The following PXDNL variants were observed in gnomAD, a reference collection of about 807,000 sequenced individuals.
PXDNL encodes the protein peroxidasin like, also known as probable oxidoreductase PXDNL.
In PXDNL, 145 loss-of-function variants were observed where a neutral mutation model predicts 150.8. The observed-to-expected ratio is 0.96, with a 90% CI of 0.84 to 1.10. The LOEUF is 1.10. Ranked by LOEUF, PXDNL falls within the 50% of genes least tolerant of loss-of-function variation. PXDNL has a pLI of 0.00. For missense variants in PXDNL, 2,087 were observed against 1,873.9 expected (o/e 1.11, Z -2.10); for synonymous variants, 757 against 725.7 (o/e 1.04, Z -0.69).
intron 4 of PXDNL, among the ~76,000 whole-genome samples, chr8:51,509,739 T>TACAC (rs1400909717): frequency 1.2e-4 from 13 of 106,212 alleles, no homozygotes; most frequent in Admixed American, 1.1e-3. Context: ...TATATACATA[T>TACAC]ATACACACAC....
intron 17 of PXDNL, among the ~76,000 whole-genome samples, chr8:51,394,044 T>C (rs1294033887): frequency 2.0e-5 from 3 of 152,250 alleles, no homozygotes; most frequent in Admixed American, 1.3e-4. Context: ...CATTCTCCAG[T>C]TGACAACTCC....
intron 4 of PXDNL, among the ~76,000 whole-genome samples, chr8:51,546,283 C>T (rs1812360361): frequency 6.6e-6 from 1 of 152,302 alleles, no homozygotes; most frequent in African/African-American, 2.4e-5. Context: ...TTACCTATAC[C>T]TGAAATGGAT....
chr8:51,712,417 T>C (rs1381599212), intron 1 of PXDNL, among the ~76,000 whole-genome samples: 2 of 152,246 alleles, frequency 1.3e-5, no homozygotes, highest in Non-Finnish European at 2.9e-5. Flanking sequence ...TGAAATACTA[T>C]AGCATATGTT....
intron 8 of PXDNL, among the ~76,000 whole-genome samples, chr8:51,469,617 AG>A (rs1810279993): frequency 6.6e-6 from 1 of 152,046 alleles, no homozygotes; most frequent in Non-Finnish European, 1.5e-5. Context: ...GGTCCTCTCC[AG>A]GGGAGTAGAA....
chr8:51,655,182 A>G (rs1297589090), intron 1 of PXDNL, among the ~76,000 whole-genome samples: 2 of 152,218 alleles, frequency 1.3e-5, no homozygotes, highest in African/African-American at 4.8e-5. Flanking sequence ...TTTAGCAAAA[A>G]TTATTAATTA....
chr8:51,752,453 C>G (rs2037054585), intron 1 of PXDNL, among the ~76,000 whole-genome samples: 1 of 152,308 alleles, frequency 6.6e-6, no homozygotes, highest in African/African-American at 2.4e-5. Context: ...TGTATAAGGG[C>G]ACTGGCTCTC....
At chr8:51,577,864 A>G (rs1813092137) in intron 3 of PXDNL, among the ~76,000 whole-genome samples, 2 of 149,062 alleles carry the variant, frequency 1.3e-5, no homozygotes, top group South Asian at 4.2e-4. Context: ...GATCTAGGCA[A>G]TGAAAACAGA....
Position 51,569,888 on chromosome 8 carries a change from CAA to C in PXDNL, c.309-12979_309-12978del, listed in dbSNP as rs577776427. On this transcript the variant is annotated intron_variant, in intron 3 of 22. Coordinates refer to ENST00000356297, the MANE Select transcript of PXDNL (RefSeq NM_144651.5). The stretch of plus-strand genomic sequence containing the variant: ...AGTGCCTTGCTTGAGACAGTTTTTC[CAA>C]AAAAGAGTTAAAATTTTTTCTCAGT... Among the ~76,000 whole-genome samples, 352 of 151,756 alleles carry C rather than the reference CAA, an allele frequency of 2.3e-3. 1 individual carries two copies. The highest frequency in any genetic ancestry group is 8.0e-3 in the African/African-American group (333 of 41,396).
intron 2 of PXDNL, among the ~76,000 whole-genome samples, chr8:51,639,283 T>C (rs1814685405): frequency 6.6e-6 from 1 of 151,930 alleles, no homozygotes; most frequent in Non-Finnish European, 1.5e-5. Flanking sequence ...AACATCACAA[T>C]TAAAAGAACT....
At chr8:51,534,861 G>A (rs868594520) in intron 4 of PXDNL, among the ~76,000 whole-genome samples, 145 of 70,004 alleles carry the variant, frequency 2.1e-3, no homozygotes, top group African/African-American at 4.1e-3. Flanking sequence ...TCAGCCCCCC[G>A]CCTGGCCAGC....
At chr8:51,616,744 T>C (rs1585623928) in intron 2 of PXDNL, among the ~76,000 whole-genome samples, 1 of 152,354 alleles carries the variant, frequency 6.6e-6, no homozygotes, top group East Asian at 1.9e-4. Flanking sequence ...GCACATGGTG[T>C]GAAATTCAAC....
chr8:51,576,100 T>C (rs1262666955), intron 3 of PXDNL, among the ~76,000 whole-genome samples: 1 of 151,100 alleles, frequency 6.6e-6, no homozygotes, highest in East Asian at 2.0e-4. Flanking sequence ...TTCTCAACAA[T>C]TGATGGAAGA....
At chr8:51,681,094 T>G (rs1815740542) in intron 1 of PXDNL, among the ~76,000 whole-genome samples, 1 of 152,114 alleles carries the variant, frequency 6.6e-6, no homozygotes, top group Admixed American at 6.6e-5. Flanking sequence ...AATACAGGAC[T>G]GGTGCACCTT....
intron 17 of PXDNL, among the ~76,000 whole-genome samples, chr8:51,397,892 C>T (rs1808134642): frequency 6.6e-6 from 1 of 152,092 alleles, no homozygotes; most frequent in Non-Finnish European, 1.5e-5. Context: ...TCTCCTAATG[C>T]TATCCCTCCC....
intron 17 of PXDNL, among the ~76,000 whole-genome samples, chr8:51,404,869 A>G (rs1808391132): frequency 6.6e-6 from 1 of 152,202 alleles, no homozygotes; most frequent in Admixed American, 6.5e-5. Flanking sequence ...GCCCCAGAGC[A>G]GGGGACGGTG....
chr8:51,615,849 T>C (rs1814118587), intron 2 of PXDNL, among the ~76,000 whole-genome samples: 1 of 152,242 alleles, frequency 6.6e-6, no homozygotes, highest in Non-Finnish European at 1.5e-5. Context: ...CTCCTCAGTG[T>C]TGTAGCCCAT....
intron 2 of PXDNL, among the ~76,000 whole-genome samples, chr8:51,639,701 G>A (rs954964743): frequency 6.6e-6 from 1 of 152,010 alleles, no homozygotes. Flanking sequence ...TGAAATTGTG[G>A]CAATAATCAA....
chr8:51,532,677 T>G (rs1486358112), intron 4 of PXDNL, among the ~76,000 whole-genome samples: 1 of 152,220 alleles, frequency 6.6e-6, no homozygotes, highest in African/African-American at 2.4e-5. Context: ...AGCTTGCTAA[T>G]TCAAAGTGTG....
chr8:51,688,288 C>T (rs1198540863), intron 1 of PXDNL, among the ~76,000 whole-genome samples: 1 of 151,856 alleles, frequency 6.6e-6, no homozygotes, highest in South Asian at 2.1e-4. Flanking sequence ...GGCAAAGAGA[C>T]TGTGACCTTA....
Sources: gnomAD v4.1 joint callset for allele counts (sites outside exome capture counted in the v4.1 genomes callset) on GRCh38, gnomAD v4.1.1 for gene constraint, MANE v1.5 for transcripts, NCBI Gene and HGNC (gene_info 2026-07-23, HGNC 2026-07-21) for gene names.